The following PMPCB variants were observed in gnomAD, a reference collection of about 807,000 sequenced individuals.
PMPCB encodes the protein mitochondrial-processing peptidase subunit beta.
In PMPCB, 46 loss-of-function variants were observed where a neutral mutation model predicts 61.5. The ratio of observed to expected loss-of-function variants is 0.75; its 90% confidence interval spans 0.59 to 0.96. PMPCB has a LOEUF of 0.96. PMPCB is among the 40% of genes least tolerant of loss of function. The probability of loss-of-function intolerance (pLI) is 0.00; values close to 1 mark genes in which losing one functional copy is unlikely to be tolerated. For synonymous variants in PMPCB, 191 were observed against 201.6 expected (o/e 0.95, Z 0.44); for missense variants, 590 against 602.4 (o/e 0.98, Z 0.22).
chr7:103,297,881 C>T (rs1817332349), intron 1 of PMPCB: 1 of 1,405,492 alleles, frequency 7.1e-7, no homozygotes, highest in Non-Finnish European at 9.4e-7. Flanking sequence ...GGGTACCGCT[C>T]CAGAGTTCTA....
Position 103,319,967 on chromosome 7 carries a change from G to A in PMPCB, c.*1431+7836G>A, listed in dbSNP as rs540342256. The A allele has an allele frequency of 1.9e-5, 18 of 961,976 alleles. No individual in the cohort carries two copies. The South Asian group carries it at 2.0e-4, about 11-fold the overall frequency. The allele number at this position is 961,976 out of a possible 1,614,324, so 59.6% of individuals were successfully genotyped here. Reference sequence around the variant, plus strand: ...GGAGAATCGCTTGAACCTGGAGGCGGAAATTGCAGCAAACTGAGATCACGC... The same window carrying A: ...GGAGAATCGCTTGAACCTGGAGGCGAAAATTGCAGCAAACTGAGATCACGC... On this transcript the variant is annotated intron_variant and NMD_transcript_variant, in intron 12 of 12. Transcript: ENST00000444457.
intron 4 of PMPCB, among the ~76,000 whole-genome samples, chr7:103,300,602 ACT>A (rs1586039066): frequency 1.3e-5 from 2 of 152,270 alleles, no homozygotes; most frequent in South Asian, 2.1e-4. Flanking sequence ...GACTGTTTTG[ACT>A]CTCTTAAAAG....
Position 103,312,790 on chromosome 7 carries a change from T to A in PMPCB, c.*519T>A. Reference sequence around the variant, plus strand: ...TATCTGCCAGGGCCTAGAAAGTTTCTAAGGTTGCTCATTTCTTCCTCATAA... The same window carrying A: ...TATCTGCCAGGGCCTAGAAAGTTTCAAAGGTTGCTCATTTCTTCCTCATAA... On this transcript the variant is annotated 3_prime_UTR_variant, in exon 13 of 13. Coordinates refer to ENST00000249269, the MANE Select transcript of PMPCB (RefSeq NM_004279.3). The A allele has an allele frequency of 6.6e-7, 1 of 1,510,646 alleles. No homozygotes were observed. The highest frequency in any genetic ancestry group is 8.8e-7 in the Non-Finnish European group (1 of 1,137,804). The allele number at this position is 1,510,646 out of a possible 1,614,324, so 93.6% of individuals were successfully genotyped here. A position where few individuals can be genotyped will look rare whatever the true frequency, so the allele number is the denominator to read the frequency against.
At chr7:103,310,589 T>C (rs1035639258) in intron 9 of PMPCB, 114 bp downstream of exon 9, 38 of 751,374 alleles carry the variant, frequency 5.1e-5, no homozygotes, top group Middle Eastern at 3.9e-4. Flanking sequence ...TTAAGAGACC[T>C]AGATAAACAG....
chr7:103,316,647 T>C, downstream of PMPCB: 1 of 600,938 alleles, frequency 1.7e-6, no homozygotes, highest in East Asian at 2.8e-5. Context: ...TATGTGCATG[T>C]GTACTGATGC....
downstream of PMPCB, chr7:103,315,861 TTGA>T (rs778692621): frequency 1.9e-6 from 3 of 1,611,608 alleles, no homozygotes; most frequent in Non-Finnish European, 8.5e-7. Context: ...TGTCATCTTT[TTGA>T]TGAGGGTCTG....
the PMPCB span, chr7:103,344,489 G>A: frequency 6.4e-7 from 1 of 1,568,676 alleles, no homozygotes; most frequent in East Asian, 2.2e-5. Flanking sequence ...AGAGCCCAGG[G>A]TTGCCGAGGC....
At chr7:103,333,545 A>G (rs1040481847), downstream of PMPCB, among the ~76,000 whole-genome samples, 11 of 152,232 alleles carry the variant, frequency 7.2e-5, no homozygotes, top group African/African-American at 2.2e-4. Flanking sequence ...GATTTTAAGC[A>G]TTCATTAAGT....
intron 12 of PMPCB, chr7:103,322,872 T>C: frequency 9.1e-7 from 1 of 1,101,908 alleles, no homozygotes; most frequent in Non-Finnish European, 1.3e-6. Flanking sequence ...TTATAAAATA[T>C]TTATATGTAC....
At chr7:103,300,726 C>G (rs1817427397) in intron 4 of PMPCB, among the ~76,000 whole-genome samples, 1 of 152,184 alleles carries the variant, frequency 6.6e-6, no homozygotes, top group South Asian at 2.1e-4. Context: ...GCTCTGTCAC[C>G]TAGGCTGGAG....
Position 103,314,146 on chromosome 7 carries a change from G to A in PMPCB, c.*1875G>A, listed in dbSNP as rs1271839491. On this transcript the variant is annotated 3_prime_UTR_variant, in exon 13 of 13. Coordinates refer to ENST00000249269, the MANE Select transcript of PMPCB (RefSeq NM_004279.3). ...TTTGAAGGTAGCTTTTAAGTTCTAG[G>A]AAGTCTTTTGTTGAATTTCCTTGTA... The A allele has an allele frequency of 1.0e-6, 1 of 985,280 alleles. No individual in the cohort carries two copies. The highest frequency in any genetic ancestry group is 1.7e-5 in the African/African-American group (1 of 57,224). 61.0% of individuals were successfully genotyped at this position (985,280 alleles called of 1,614,324 possible).
chr7:103,310,277 A>G (rs1240069810), intron 8 of PMPCB, 38 bp from the exon 9 acceptor site: 2 of 1,540,934 alleles, frequency 1.3e-6, no homozygotes, highest in South Asian at 1.1e-5. Flanking sequence ...TTGGACATGT[A>G]TAATTAAAAT....
rs373503982 is a variant in PMPCB at position 103,297,540 on chromosome 7, C to G, written c.81C>G (p.Ile27Met). Residue 27 changes from isoleucine to methionine, a missense_variant, in exon 1 of 13, where the codon ATC becomes ATG. Ile to Met is a conservative substitution (Grantham distance 10). Coordinates refer to ENST00000249269, the MANE Select transcript of PMPCB (RefSeq NM_004279.3). Reference sequence around the variant, plus strand: ...GGGGTTTCAGCGAGAGTCTTCTAATCCGAGGCGCTGCGGGACGGGTGAGCT... The same window carrying G: ...GGGGTTTCAGCGAGAGTCTTCTAATGCGAGGCGCTGCGGGACGGGTGAGCT... ...RLWGFSESLLIRGAAGRSLYF... is the reference protein window; with the variant it reads ...RLWGFSESLLMRGAAGRSLYF... 2.5e-6 allele frequency: 4 copies of G among 1,609,672 alleles called. No homozygotes were observed. The highest frequency in any genetic ancestry group is 3.4e-6 in the Non-Finnish European group (4 of 1,177,368).
intron 4 of PMPCB, among the ~76,000 whole-genome samples, chr7:103,302,742 A>G (rs182157679): frequency 1.3e-5 from 2 of 152,318 alleles, no homozygotes; most frequent in African/African-American, 4.8e-5. Context: ...TAGTAGAGTA[A>G]AAAATGAAAC....
At chr7:103,323,516 ATTTACGTGACAATT>A in intron 12 of PMPCB, 3 of 1,314,126 alleles carry the variant, frequency 2.3e-6, no homozygotes, top group Non-Finnish European at 3.0e-6. Flanking sequence ...ATGAAAGAAA[ATTTACGTGACAATT>A]TTTACATCAT....
At chr7:103,324,523 C>A in intron 12 of PMPCB, 1 of 1,494,218 alleles carries the variant, frequency 6.7e-7, no homozygotes, top group South Asian at 1.3e-5. Context: ...ATGATGAATT[C>A]ATATCACCAA....
rs746810455 is a variant in PMPCB at position 103,298,518 on chromosome 7, GA to G, written c.100-49del. The G allele has an allele frequency of 9.0e-6, 14 of 1,560,292 alleles. No homozygotes were observed. The Admixed American group carries it at 2.5e-4, about 27-fold the overall frequency. On this transcript the variant is annotated intron_variant, in intron 1 of 12. Coordinates refer to ENST00000249269, the MANE Select transcript of PMPCB (RefSeq NM_004279.3). ...GTTTTAAAAGCAACATTTAATATCA[GA>G]TTAGTAATGTGTTTTGCTTTGTCTC...
At chr7:103,310,930 A>T (rs1586050935) in intron 9 of PMPCB, 1 of 152,220 alleles carries the variant, frequency 6.6e-6, no homozygotes, top group Non-Finnish European at 1.5e-5. Flanking sequence ...CAGGAGATCC[A>T]CCCTTCTCAG....
intron 6 of PMPCB, among the ~76,000 whole-genome samples, chr7:103,306,341 T>C (rs1056323114): frequency 1.3e-5 from 2 of 152,036 alleles, no homozygotes; most frequent in Admixed American, 1.3e-4. Flanking sequence ...TACCTATTGA[T>C]GTATTCAGAA....
Sources: gnomAD v4.1 joint callset for allele counts (sites outside exome capture counted in the v4.1 genomes callset) on GRCh38, gnomAD v4.1.1 for gene constraint, MANE v1.5 for transcripts, NCBI Gene and HGNC (gene_info 2026-07-23, HGNC 2026-07-21) for gene names.